PGD: variants seen among roughly 807,000 people sequenced by gnomAD.
The protein encoded by PGD is phosphogluconate dehydrogenase.
In PGD, 21 loss-of-function variants were observed where a neutral mutation model predicts 60.4. The observed-to-expected ratio is 0.35, with a 90% CI of 0.25 to 0.50. The LOEUF is 0.50. PGD is among the 20% of genes least tolerant of loss of function. The probability of loss-of-function intolerance (pLI) is 0.98; values close to 1 mark genes in which losing one functional copy is unlikely to be tolerated. For synonymous variants in PGD, 230 were observed against 235.9 expected, an observed-to-expected ratio of 0.97 and a Z score of 0.23; for missense variants, 477 against 613.1, an observed-to-expected ratio of 0.78 and a Z score of 2.34.
intron 5 of PGD, among the ~76,000 whole-genome samples, chr1:10,407,043 G>T (rs1639420299): frequency 6.6e-6 from 1 of 152,222 alleles, no homozygotes; most frequent in African/African-American, 2.4e-5. Flanking sequence ...CGGGTGCGAT[G>T]GCTTATGCCT....
In PGD at chr1:10,404,152, G is replaced by C. The variant is rs1639360917; in HGVS notation, c.331-9G>C. On this transcript the variant is annotated splice_polypyrimidine_tract_variant and intron_variant, in intron 4 of 12. Coordinates refer to ENST00000270776, the MANE Select transcript of PGD (RefSeq NM_002631.4). The stretch of plus-strand genomic sequence containing the variant: ...GGAAGCATAATGAAATTATTTTTCT[G>C]TCCTTCAGAGACGGTGCCGAGACCT... 1 of 1,571,566 alleles carries C rather than the reference G, an allele frequency of 6.4e-7. No individual in the cohort carries two copies. The highest frequency in any genetic ancestry group is 1.4e-5 in the African/African-American group (1 of 73,320).
At chr1:10,409,644 A>G (rs1639464612) in intron 6 of PGD, among the ~76,000 whole-genome samples, 1 of 127,022 alleles carries the variant, frequency 7.9e-6, no homozygotes, top group Non-Finnish European at 1.6e-5. Context: ...AGTGAGTGGT[A>G]GCAACTTTTT....
At chr1:10,409,372 T>C (rs541461499) in intron 6 of PGD, among the ~76,000 whole-genome samples, 43 of 152,248 alleles carry the variant, frequency 2.8e-4, no homozygotes, top group African/African-American at 1.0e-3. Flanking sequence ...AGGCTGGTGC[T>C]GGGACTGACG....
At chr1:10,406,096 G>T (rs1454764768) in intron 5 of PGD, among the ~76,000 whole-genome samples, 2 of 152,102 alleles carry the variant, frequency 1.3e-5, no homozygotes, top group Non-Finnish European at 2.9e-5. Flanking sequence ...CTCGTGATCT[G>T]CCTGCCTCAG....
intron 5 of PGD, among the ~76,000 whole-genome samples, chr1:10,407,812 G>A (rs1029480271): frequency 2.0e-5 from 3 of 152,072 alleles, no homozygotes; most frequent in African/African-American, 7.2e-5. Flanking sequence ...TGGGTGTGGT[G>A]TCACATACCT....
chr1:10,407,127 C>T (rs565800356), intron 5 of PGD, among the ~76,000 whole-genome samples: 1 of 152,200 alleles, frequency 6.6e-6, no homozygotes, highest in African/African-American at 2.4e-5. Context: ...GCCACATCAA[C>T]ATAGGGAGAC....
intron 8 of PGD, among the ~76,000 whole-genome samples, chr1:10,413,501 A>G (rs1639542225): frequency 6.6e-6 from 1 of 152,162 alleles, no homozygotes; most frequent in African/African-American, 2.4e-5. Flanking sequence ...TGTCCTTCCT[A>G]TCCAGTTTTA....
At chr1:10,410,850 A>G (rs1639487633) in intron 6 of PGD, among the ~76,000 whole-genome samples, 1 of 149,412 alleles carries the variant, frequency 6.7e-6, no homozygotes, top group Admixed American at 6.6e-5. Context: ...TTATTTATAA[A>G]TATAAATATA....
intron 7 of PGD, among the ~76,000 whole-genome samples, chr1:10,412,158 T>C (rs1202895053): frequency 6.6e-6 from 1 of 152,230 alleles, no homozygotes; most frequent in Non-Finnish European, 1.5e-5. Context: ...TTGTTTTCCC[T>C]AAATACTTTA....
At chr1:10,412,766 G>T (rs1174615836) in intron 7 of PGD, 1 of 290,082 alleles carries the variant, frequency 3.4e-6, no homozygotes, top group Non-Finnish European at 6.5e-6. Context: ...TCCGGTGATT[G>T]CAGAAGGCTT....
chr1:10,400,765 T>C (rs1021459924), intron 3 of PGD, among the ~76,000 whole-genome samples, 193 bp downstream of exon 3: 1 of 152,172 alleles, frequency 6.6e-6, no homozygotes, highest in African/African-American at 2.4e-5. Context: ...CCTTTGGTGG[T>C]AGTAATTCTG....
rs746333379 is a variant in PGD, at chr1:10,418,824, A to G, written c.1110-2A>G. 5 of 1,483,820 alleles carry G rather than the reference A, an allele frequency of 3.4e-6. No homozygotes were observed. The highest frequency in any genetic ancestry group is 3.7e-6 in the Non-Finnish European group (4 of 1,067,830). 91.9% of individuals were successfully genotyped at this position (1,483,820 alleles called of 1,614,324 possible). On this transcript the variant is annotated splice_acceptor_variant, in intron 10 of 12. Coordinates refer to ENST00000270776, the MANE Select transcript of PGD (RefSeq NM_002631.4). LOFTEE classifies it high-confidence loss of function. Reference sequence around the variant, plus strand: ...GCTTTTTTCCCCCCTTGATTATTTCAGTGTATTCCTAGGAAAGATAAAGGA... The same window carrying G: ...GCTTTTTTCCCCCCTTGATTATTTCGGTGTATTCCTAGGAAAGATAAAGGA...
At chr1:10,419,232 T>C (rs182547893) in intron 11 of PGD, among the ~76,000 whole-genome samples, 185 bp from the exon 12 acceptor site, 1 of 151,610 alleles carries the variant, frequency 6.6e-6, no homozygotes, top group African/African-American at 2.4e-5. Flanking sequence ...TTGGCTAGAC[T>C]GGTCTTGAAC....
intron 5 of PGD, among the ~76,000 whole-genome samples, chr1:10,407,095 T>C (rs1639420910): frequency 1.3e-5 from 2 of 152,124 alleles, no homozygotes; most frequent in Admixed American, 1.3e-4. Flanking sequence ...GAGGAGTGCT[T>C]GATCCGAGGA....
In PGD at chr1:10,411,534, G is replaced by T. The variant is rs771042361; in HGVS notation, c.636G>T (p.Ala212=). The T allele has an allele frequency of 6.8e-6, 11 of 1,613,834 alleles. No homozygotes were observed. Among genetic ancestry groups the T allele is most frequent in the Non-Finnish European group, 9.3e-6 (11 of 1,179,878 alleles). The change falls in exon 7 of 13, where the codon GCG becomes GCT. Residue 212 remains alanine, a synonymous_variant. Coordinates refer to ENST00000270776, the MANE Select transcript of PGD (RefSeq NM_002631.4). The stretch of plus-strand genomic sequence containing the variant: ...TGATGAAAGACGTGCTGGGCATGGC[G>T]CAGGACGAGATGGCCCAGGTGAGGC... ...YHLMKDVLGM[A]QDEMAQAFED...
In PGD at chr1:10,399,621, CT is replaced by C; in HGVS notation, c.9-7del. Reference sequence around the variant, plus strand: ...ACTCTTTCCTTTGTTCTGTTTCTGCCTCTCTAGAGCTGACATCGCGCTGATC... The same window carrying C: ...ACTCTTTCCTTTGTTCTGTTTCTGCCCTCTAGAGCTGACATCGCGCTGATC... On this transcript the variant is annotated splice_region_variant and splice_polypyrimidine_tract_variant and intron_variant, in intron 1 of 12. Transcript: ENST00000270776. The C allele has an allele frequency of 6.2e-7, 1 of 1,612,870 alleles. No individual in the cohort carries two copies. The highest frequency in any genetic ancestry group is 8.5e-7 in the Non-Finnish European group (1 of 1,179,432).
At chr1:10,412,768 A>G (rs1375398318) in intron 7 of PGD, 5 of 293,870 alleles carry the variant, frequency 1.7e-5, no homozygotes, top group Non-Finnish European at 3.2e-5. Flanking sequence ...CGGTGATTGC[A>G]GAAGGCTTCT....
In PGD at chr1:10,400,685, C is replaced by T. The variant is rs111572578; in HGVS notation, c.264+113C>T. 1.7e-5 allele frequency: 13 copies of T among 773,476 alleles called. 2 individuals are homozygous for T. The African/African-American group carries it at 1.9e-4, about 12-fold the overall frequency. The allele number at this position is 773,476 out of a possible 1,614,324, so 47.9% of individuals were successfully genotyped here. Reference sequence around the variant, plus strand: ...TTTTTTTTTTTCAATTTCTGCTAAGCTCTGACCAAATGATTGCTTAACTGT... The same window carrying T: ...TTTTTTTTTTTCAATTTCTGCTAAGTTCTGACCAAATGATTGCTTAACTGT... On this transcript the variant is annotated intron_variant, in intron 3 of 12. Coordinates refer to ENST00000270776, the MANE Select transcript of PGD (RefSeq NM_002631.4).
At chr1:10,414,872 C>T (rs765409101) in intron 8 of PGD, among the ~76,000 whole-genome samples, 20 of 151,668 alleles carry the variant, frequency 1.3e-4, no homozygotes, top group Non-Finnish European at 2.5e-4. Context: ...GTGGGCGGAT[C>T]ACGAGGTCAG....
Sources: allele counts gnomAD v4.1 joint callset (sites outside exome capture counted in the v4.1 genomes callset), GRCh38; gene constraint gnomAD v4.1.1; transcripts MANE v1.5; gene names NCBI Gene and HGNC (gene_info 2026-07-23, HGNC 2026-07-21).